Variants in ATP8B4 observed in about 807,000 individuals in gnomAD.
ATP8B4 encodes probable phospholipid-transporting ATPase IM.
Under a neutral mutation model 145.6 loss-of-function variants are expected in ATP8B4, and 133 were observed. That is an observed-to-expected ratio of 0.91 (90% CI 0.79 to 1.05). The LOEUF (loss-of-function observed/expected upper bound fraction) is 1.05, where lower values mean the gene tolerates loss of function less well. Ranked by LOEUF, ATP8B4 falls within the 50% of genes least tolerant of loss-of-function variation. The pLI is 0.00. For missense variants in ATP8B4, 1,458 were observed against 1,425.2 expected, an observed-to-expected ratio of 1.02 and a Z score of -0.37; for synonymous variants, 507 against 492.9, an observed-to-expected ratio of 1.03 and a Z score of -0.38.
intron 1 of ATP8B4, among the ~76,000 whole-genome samples, chr15:50,113,637 G>A (rs1307557303): frequency 3.3e-5 from 5 of 151,904 alleles, no homozygotes; most frequent in South Asian, 4.1e-4. Flanking sequence ...TCAGGAGTTC[G>A]AGACCAGCCT....
chr15:50,079,012 T>C lies in ATP8B4; in HGVS notation c.29-4827A>G, dbSNP rs186235589. Reference sequence around the variant, plus strand: ...AATGTACAACAGTAAGACCTACTATTTGACAGCAAACCAGGTGACTATAGT... The same window carrying C: ...AATGTACAACAGTAAGACCTACTATCTGACAGCAAACCAGGTGACTATAGT... On this transcript the variant is annotated intron_variant, in intron 2 of 27. Transcript: ENST00000284509. Among the ~76,000 whole-genome samples, 18 of 152,308 alleles carry C rather than the reference T, an allele frequency of 1.2e-4. No individual in the cohort carries two copies. The East Asian group carries it at 3.3e-3, about 28-fold the overall frequency.
In ATP8B4 at chr15:49,931,337, A is replaced by T. The variant is rs763400383; in HGVS notation, c.1454-30T>A. On this transcript the variant is annotated intron_variant, in intron 15 of 27. Coordinates refer to ENST00000284509, the MANE Select transcript of ATP8B4 (RefSeq NM_024837.4). ...AAGGTAAAGAAACAAGTGTATCAAT[A>T]CTGACTAACAGCTAACATTCATAGA... 5.0e-6 allele frequency: 8 copies of T among 1,585,522 alleles called. No homozygotes were observed. The Admixed American group carries it at 8.5e-5, about 17-fold the overall frequency.
chr15:49,917,621 G>C (rs775837963), intron 19 of ATP8B4, among the ~76,000 whole-genome samples: 1 of 152,158 alleles, frequency 6.6e-6, no homozygotes, highest in Non-Finnish European at 1.5e-5. Context: ...TTCTCCTAGA[G>C]AACTGGAGAA....
chr15:49,901,855 G>T (rs1218420803), intron 20 of ATP8B4: 1 of 407,572 alleles, frequency 2.5e-6, no homozygotes, highest in Admixed American at 3.2e-5. Flanking sequence ...TTAAAAAATA[G>T]AATAAATCTT....
chr15:50,018,342 A>G lies in ATP8B4; in HGVS notation c.363-7425T>C, dbSNP rs533199961. Among the ~76,000 whole-genome samples the G allele has an allele frequency of 5.9e-5, 9 of 152,234 alleles. No individual in the cohort carries two copies. The South Asian group carries it at 1.2e-3, about 21-fold the overall frequency. The stretch of plus-strand genomic sequence containing the variant: ...ATATGCGGTATCATCACCCTGCATT[A>G]ATGAGTTTAAGACCACTCTTATGTG... On this transcript the variant is annotated intron_variant, in intron 6 of 27. Coordinates refer to ENST00000284509, the MANE Select transcript of ATP8B4 (RefSeq NM_024837.4).
At chr15:50,172,094 G>A (rs1162927620) in intron 1 of ATP8B4, among the ~76,000 whole-genome samples, 2 of 152,174 alleles carry the variant, frequency 1.3e-5, no homozygotes, top group Admixed American at 6.5e-5. Context: ...AGGACCAGAC[G>A]GATTCACAGC....
intron 1 of ATP8B4, among the ~76,000 whole-genome samples, chr15:50,142,233 T>C (rs548871255): frequency 6.6e-6 from 1 of 152,320 alleles, no homozygotes; most frequent in African/African-American, 2.4e-5. Context: ...TTATCCCTGA[T>C]GGCAAGGAAG....
In ATP8B4 at chr15:49,866,427, T is replaced by C; in HGVS notation, c.3085A>G (p.Ile1029Val). Residue 1029 changes from isoleucine (I) to valine (V), a missense_variant, in exon 26 of 28, where the codon ATT (isoleucine) becomes GTT (valine). By Grantham distance (29) the Ile-to-Val change is conservative (BLOSUM62 3). Coordinates refer to ENST00000284509, the MANE Select transcript of ATP8B4 (RefSeq NM_024837.4). ...AATAAAATGGAGAAATAAATGGCAATGCTCCCCCAGATGAAGACGTGATTA... is the reference window on the plus strand; with the variant it reads ...AATAAAATGGAGAAATAAATGGCAACGCTCCCCCAGATGAAGACGTGATTA... ...FINHVFIWGS[I>V]AIYFSILFTM... 1 of 1,613,646 alleles carries C rather than the reference T, an allele frequency of 6.2e-7. No individual in the cohort carries two copies. Among genetic ancestry groups the C allele is most frequent in the Non-Finnish European group, 8.5e-7 (1 of 1,179,558 alleles).
chr15:50,008,324 G>A (rs1200753970), intron 7 of ATP8B4, among the ~76,000 whole-genome samples: 1 of 152,152 alleles, frequency 6.6e-6, no homozygotes, highest in Non-Finnish European at 1.5e-5. Flanking sequence ...AGAGAGGCGT[G>A]AGCAACTGGA....
intron 9 of ATP8B4, 70 bp from the exon 10 acceptor site, chr15:49,987,619 C>G: frequency 6.8e-7 from 1 of 1,481,370 alleles, no homozygotes; most frequent in East Asian, 2.3e-5. Context: ...GCCCACAGCA[C>G]TGTTTTACCA....
intron 25 of ATP8B4, among the ~76,000 whole-genome samples, chr15:49,874,821 C>T (rs1317135737): frequency 6.6e-6 from 1 of 152,068 alleles, no homozygotes; most frequent in African/African-American, 2.4e-5. Context: ...TTTCTGTGGG[C>T]TCTCAACTTG....
chr15:50,108,213 C>T (rs1246944266), intron 1 of ATP8B4, among the ~76,000 whole-genome samples: 1 of 152,148 alleles, frequency 6.6e-6, no homozygotes, highest in African/African-American at 2.4e-5. Flanking sequence ...TCTCTACTCC[C>T]CCACCCCAGC....
chr15:50,088,932 T>C lies in ATP8B4; in HGVS notation c.29-14747A>G, dbSNP rs2055405439. On this transcript the variant is annotated intron_variant, in intron 2 of 27. Transcript: ENST00000284509. The stretch of plus-strand genomic sequence containing the variant: ...AGATGGTTGTAGATGTGCAGTCTTA[T>C]TTCTGAGTTCTCTATTCTGTTCCAT... Among the ~76,000 whole-genome samples, 3 of 152,218 alleles carry C rather than the reference T, an allele frequency of 2.0e-5. No individual in the cohort carries two copies. In the South Asian group the frequency reaches 6.2e-4, roughly 31 times the overall value.
chr15:50,100,061 A>C (rs2056254188), intron 2 of ATP8B4, among the ~76,000 whole-genome samples: 1 of 149,312 alleles, frequency 6.7e-6, no homozygotes, highest in Non-Finnish European at 1.5e-5. Flanking sequence ...AAAAGAATGC[A>C]AGACATCTGA....
chr15:50,112,005 A>AAAAT (rs1302620488), intron 1 of ATP8B4, among the ~76,000 whole-genome samples: 1 of 152,124 alleles, frequency 6.6e-6, no homozygotes, highest in Non-Finnish European at 1.5e-5. Context: ...GGTCTCTATA[A>AAAAT]AAATAAATAA....
intron 9 of ATP8B4, among the ~76,000 whole-genome samples, chr15:49,995,863 G>C (rs965529634): frequency 6.6e-6 from 1 of 152,106 alleles, no homozygotes; most frequent in African/African-American, 2.4e-5. Flanking sequence ...GGAGACTCCA[G>C]AGATTCTCTC....
chr15:49,978,852 T>C (rs1178639545), intron 12 of ATP8B4, among the ~76,000 whole-genome samples: 2 of 150,702 alleles, frequency 1.3e-5, no homozygotes, highest in African/African-American at 4.9e-5. Context: ...GTTCTGTTTG[T>C]GTGCATAGAC....
intron 4 of ATP8B4, among the ~76,000 whole-genome samples, 163 bp from the exon 5 acceptor site, chr15:50,044,855 T>C (rs1199629780): frequency 1.3e-5 from 2 of 152,234 alleles, no homozygotes; most frequent in African/African-American, 4.8e-5. Flanking sequence ...ATAAGACACA[T>C]AGAGTAGAAT....
intron 1 of ATP8B4, among the ~76,000 whole-genome samples, chr15:50,139,545 T>C (rs1285412963): frequency 1.3e-5 from 2 of 152,180 alleles, no homozygotes; most frequent in East Asian, 3.9e-4. Flanking sequence ...ATGGCACATG[T>C]ATACCTATGC....
Sources: gnomAD v4.1 joint callset for allele counts (sites outside exome capture counted in the v4.1 genomes callset) on GRCh38, gnomAD v4.1.1 for gene constraint, MANE v1.5 for transcripts, NCBI Gene and HGNC (gene_info 2026-07-23, HGNC 2026-07-21) for gene names.